ADAMTSL1: variants seen among roughly 807,000 people sequenced by gnomAD.
ADAMTSL1 encodes the protein ADAMTS like 1.
Under a neutral mutation model 201.8 loss-of-function variants are expected in ADAMTSL1, and 126 were observed. The ratio of observed to expected loss-of-function variants is 0.62; its 90% CI spans 0.54 to 0.72. The LOEUF is 0.72. Ranked by LOEUF, ADAMTSL1 falls within the 30% of genes least tolerant of loss-of-function variation. The probability of loss-of-function intolerance (pLI) is 0.00; values close to 1 mark genes in which losing one functional copy is unlikely to be tolerated. For missense variants in ADAMTSL1, 2,679 were observed against 2,277.8 expected (o/e 1.18, Z -3.59); for synonymous variants, 1,121 against 903.4 (o/e 1.24, Z -4.32).
chr9:18,837,894 C>T (rs565447982), intron 23 of ADAMTSL1, among the ~76,000 whole-genome samples: 8 of 152,278 alleles, frequency 5.3e-5, no homozygotes, highest in South Asian at 2.1e-4. Context: ...TTATGGGAGT[C>T]GTGACATATT....
intron 3 of ADAMTSL1, among the ~76,000 whole-genome samples, chr9:18,561,655 G>A (rs964473631): frequency 5.9e-5 from 9 of 152,092 alleles, no homozygotes; most frequent in Non-Finnish European, 8.8e-5. Context: ...ATTATTGTGT[G>A]GGATTCTAAG....
intron 1 of ADAMTSL1, among the ~76,000 whole-genome samples, chr9:18,073,060 G>A (rs532727781): frequency 6.6e-6 from 1 of 152,250 alleles, no homozygotes; most frequent in South Asian, 2.1e-4. Context: ...TCCTCACAGC[G>A]TTATCTTCAT....
intron 7 of ADAMTSL1, among the ~76,000 whole-genome samples, chr9:18,648,065 G>T (rs1382664268): frequency 6.8e-6 from 1 of 147,622 alleles, no homozygotes; most frequent in African/African-American, 2.5e-5. Flanking sequence ...ATGAATCTGG[G>T]TGCTCCTGTA....
At chr9:18,739,899 C>CTGTGTG (rs5896804) in intron 15 of ADAMTSL1, among the ~76,000 whole-genome samples, 3,150 of 148,226 alleles carry the variant, frequency 0.021, 89 homozygotes, top group African/African-American at 0.062. Flanking sequence ...TGTCTACTAT[C>CTGTGTG]TGTGTGTGTG....
rs533978572 is a variant in ADAMTSL1 at position 18,627,956 on chromosome 9, C to T, written c.601+5587C>T. Among the ~76,000 whole-genome samples the T allele has an allele frequency of 4.6e-5, 7 of 152,224 alleles. 1 individual carries two copies. Among genetic ancestry groups the T allele is most frequent in the African/African-American group, 1.4e-4 (6 of 41,552 alleles). Reference sequence around the variant, plus strand: ...TAAAAAATGTGTTGCTTGACTTTCTCTTGTTGAGTTTTGGGAGTTCTTTAT... The same window carrying T: ...TAAAAAATGTGTTGCTTGACTTTCTTTTGTTGAGTTTTGGGAGTTCTTTAT... On this transcript the variant is annotated intron_variant, in intron 5 of 28. Transcript: ENST00000380548.
chr9:18,773,885 A>G (rs1820834344), intron 17 of ADAMTSL1, among the ~76,000 whole-genome samples: 1 of 152,242 alleles, frequency 6.6e-6, no homozygotes, highest in Admixed American at 6.5e-5. Context: ...TTTACAATAA[A>G]ATAAGGAATG....
intron 1 of ADAMTSL1, among the ~76,000 whole-genome samples, chr9:17,953,331 A>C (rs865783147): frequency 9.9e-5 from 15 of 152,196 alleles, no homozygotes; most frequent in African/African-American, 3.4e-4. Flanking sequence ...CTATTGGCAG[A>C]ACGTTGGGAG....
chr9:18,456,143 C>T (rs900960839), intron 2 of ADAMTSL1, among the ~76,000 whole-genome samples: 6 of 152,118 alleles, frequency 3.9e-5, no homozygotes, highest in African/African-American at 7.2e-5. Context: ...TCTCAGAGAC[C>T]CCATTATTCA....
At chr9:18,438,445 C>T (rs893282544) in intron 2 of ADAMTSL1, among the ~76,000 whole-genome samples, 21 of 152,278 alleles carry the variant, frequency 1.4e-4, no homozygotes, top group African/African-American at 4.8e-4. Flanking sequence ...TGAAGGCGGC[C>T]TCCCAGCCCC....
At chr9:18,337,622 C>G (rs1321742799) in intron 2 of ADAMTSL1, among the ~76,000 whole-genome samples, 1 of 152,118 alleles carries the variant, frequency 6.6e-6, no homozygotes, top group Non-Finnish European at 1.5e-5. Flanking sequence ...GGGAGTTAGA[C>G]CAAGGAGACA....
chr9:18,172,161 A>C (rs952507573), intron 2 of ADAMTSL1, among the ~76,000 whole-genome samples: 15 of 152,012 alleles, frequency 9.9e-5, no homozygotes, highest in Non-Finnish European at 2.2e-4. Flanking sequence ...TAGCATTAGG[A>C]GAAATACTTA....
intron 4 of ADAMTSL1, among the ~76,000 whole-genome samples, chr9:18,585,567 T>G (rs930446613): frequency 3.3e-5 from 5 of 152,150 alleles, no homozygotes; most frequent in Non-Finnish European, 5.9e-5. Context: ...CACTTCAAAT[T>G]ATATTATTTC....
At chr9:17,980,320 C>A (rs1401348249) in intron 1 of ADAMTSL1, among the ~76,000 whole-genome samples, 2 of 152,150 alleles carry the variant, frequency 1.3e-5, no homozygotes, top group South Asian at 2.1e-4. Context: ...GACATTACCC[C>A]CCACCACATC....
intron 14 of ADAMTSL1, among the ~76,000 whole-genome samples, chr9:18,716,084 A>G (rs1832911828): frequency 6.6e-6 from 1 of 151,138 alleles, no homozygotes; most frequent in Non-Finnish European, 1.5e-5. Context: ...ACAAAAATCA[A>G]TTCAAGATGG....
chr9:18,491,153 A>G (rs1418803939), intron 1 of ADAMTSL1, among the ~76,000 whole-genome samples: 1 of 152,222 alleles, frequency 6.6e-6, no homozygotes, highest in Non-Finnish European at 1.5e-5. Context: ...GCTGTGAGGC[A>G]AATGGGGTAG....
chr9:18,587,321 T>A (rs1166759405), intron 4 of ADAMTSL1, among the ~76,000 whole-genome samples: 1 of 152,018 alleles, frequency 6.6e-6, no homozygotes, highest in African/African-American at 2.4e-5. Context: ...TTTCAAAAGA[T>A]GACATACATG....
chr9:18,539,146 G>A (rs1819976968), intron 3 of ADAMTSL1, among the ~76,000 whole-genome samples: 1 of 152,050 alleles, frequency 6.6e-6, no homozygotes, highest in South Asian at 2.1e-4. Context: ...ACTTGCCAGG[G>A]CCATTTATTT....
chr9:18,898,342 G>A (rs111990892), intron 26 of ADAMTSL1, among the ~76,000 whole-genome samples: 4,429 of 152,252 alleles, frequency 0.029, 199 homozygotes, highest in African/African-American at 0.092. Flanking sequence ...GATGGAGCTG[G>A]AAAACACAAC....
At chr9:18,293,827 T>C (rs1000743123) in intron 2 of ADAMTSL1, among the ~76,000 whole-genome samples, 6 of 152,196 alleles carry the variant, frequency 3.9e-5, no homozygotes, top group Admixed American at 3.3e-4. Flanking sequence ...ATATAGACTA[T>C]ACAACTGAAG....
Sources: gnomAD v4.1 joint callset for allele counts (sites outside exome capture counted in the v4.1 genomes callset) on GRCh38, gnomAD v4.1.1 for gene constraint, MANE v1.5 for transcripts, NCBI Gene and HGNC (gene_info 2026-07-23, HGNC 2026-07-21) for gene names.